LINGO2: variants seen among roughly 807,000 people sequenced by gnomAD.
The protein encoded by LINGO2 is leucine-rich repeat and immunoglobulin-like domain-containing nogo receptor-interacting protein 2.
LINGO2 carries 14 observed loss-of-function variants against 30.6 expected under a neutral mutation model. The observed-to-expected ratio is 0.46, with a 90% CI of 0.30 to 0.72. The LOEUF (loss-of-function observed/expected upper bound fraction) is 0.72, where lower values mean the gene tolerates loss of function less well. LINGO2 is among the 30% of genes least tolerant of loss of function. The pLI is 0.07. For synonymous variants in LINGO2, 317 were observed against 288.5 expected, an observed-to-expected ratio of 1.10 and a Z score of -1.00; for missense variants, 729 against 751.7, an observed-to-expected ratio of 0.97 and a Z score of 0.35.
intron 4 of LINGO2, among the ~76,000 whole-genome samples, chr9:28,242,933 C>T (rs769059949): frequency 5.3e-5 from 8 of 152,080 alleles, no homozygotes; most frequent in Non-Finnish European, 1.0e-4. Flanking sequence ...TGAGGGAATT[C>T]GTCATTACCA....
At chr9:29,138,364 T>C in the LINGO2 span, among the ~76,000 whole-genome samples, 2 of 152,122 alleles carry the variant, frequency 1.3e-5, no homozygotes, top group East Asian at 3.8e-4. Context: ...TTCCTGACCT[T>C]GCCTCTGACA....
At chr9:29,059,527 C>G in the LINGO2 span, among the ~76,000 whole-genome samples, 2 of 151,570 alleles carry the variant, frequency 1.3e-5, no homozygotes, top group Admixed American at 6.6e-5. Context: ...AGAGCAAAGA[C>G]AGACAAATAG....
At chr9:28,211,964 C>T (rs1345558245) in intron 4 of LINGO2, among the ~76,000 whole-genome samples, 1 of 150,972 alleles carries the variant, frequency 6.6e-6, no homozygotes, top group African/African-American at 2.4e-5. Context: ...GTGGCAAAAA[C>T]TGCAGTTACT....
At chr9:29,176,938 C>T in the LINGO2 span, among the ~76,000 whole-genome samples, 15 of 152,122 alleles carry the variant, frequency 9.9e-5, no homozygotes, top group African/African-American at 3.6e-4. Context: ...AAAGTTTAAG[C>T]AACACCGAAA....
the LINGO2 span, among the ~76,000 whole-genome samples, chr9:28,856,219 T>C: frequency 6.6e-6 from 1 of 152,010 alleles, no homozygotes; most frequent in South Asian, 2.1e-4. Context: ...CACAGAGATT[T>C]TGTGCTTTGC....
intron 4 of LINGO2, among the ~76,000 whole-genome samples, chr9:28,244,736 C>T (rs577472233): frequency 6.6e-6 from 1 of 152,008 alleles, no homozygotes; most frequent in Non-Finnish European, 1.5e-5. Context: ...CATACACCCT[C>T]CCAAAACTAA....
chr9:29,167,758 A>T, the LINGO2 span, among the ~76,000 whole-genome samples: 1 of 152,166 alleles, frequency 6.6e-6, no homozygotes, highest in Non-Finnish European at 1.5e-5. Context: ...TAAAAATGAA[A>T]ATCTTCCATG....
chr9:28,669,064 C>A (rs1828915871), intron 1 of LINGO2, among the ~76,000 whole-genome samples: 1 of 151,956 alleles, frequency 6.6e-6, no homozygotes, highest in Admixed American at 6.6e-5. Context: ...ACCCTAGTTA[C>A]CCCTTAAATA....
the LINGO2 span, among the ~76,000 whole-genome samples, chr9:29,055,078 G>C: frequency 6.6e-6 from 1 of 151,988 alleles, no homozygotes; most frequent in East Asian, 1.9e-4. Context: ...AATTAGACAG[G>C]CGTGGTGGCG....
At chr9:28,374,230 A>ATATATG (rs1241853208) in intron 2 of LINGO2, among the ~76,000 whole-genome samples, 1 of 148,878 alleles carries the variant, frequency 6.7e-6, no homozygotes, top group African/African-American at 2.5e-5. Context: ...ATATATATAT[A>ATATATG]TGTAATATCC....
the LINGO2 span, among the ~76,000 whole-genome samples, chr9:28,685,931 C>T: frequency 3.3e-5 from 5 of 150,640 alleles, 1 homozygote; most frequent in South Asian, 2.1e-4. Context: ...TATATGAAGA[C>T]GAGTAGTGTG....
Position 27,974,980 on chromosome 9 carries a change from A to G in LINGO2, c.-35-24274T>C, listed in dbSNP as rs2118822005. On this transcript the variant is annotated intron_variant, in intron 5 of 5. Coordinates refer to ENST00000379992, the Ensembl canonical transcript of LINGO2. ...AATCCTAACTTATCAAACCTGCCCC[A>G]GACATACTCCACATTGTTCATTCTG... 2.0e-5 allele frequency among the ~76,000 whole-genome samples: 3 copies of G among 152,286 alleles called. 1 individual carries two copies. In the Middle Eastern group the frequency reaches 0.01, roughly 518 times the overall value.
chr9:28,498,751 T>A (rs1181529654), intron 1 of LINGO2, among the ~76,000 whole-genome samples: 1 of 152,158 alleles, frequency 6.6e-6, no homozygotes, highest in Non-Finnish European at 1.5e-5. Context: ...GCGTCGCTCA[T>A]GCTGGGAGCT....
At chr9:28,117,254 G>T (rs957991793) in intron 4 of LINGO2, among the ~76,000 whole-genome samples, 1 of 151,724 alleles carries the variant, frequency 6.6e-6, no homozygotes, top group African/African-American at 2.4e-5. Context: ...CACTTGAGGA[G>T]GCAGTCTGCC....
chr9:28,247,552 G>C (rs774712873), intron 4 of LINGO2, among the ~76,000 whole-genome samples: 3 of 152,122 alleles, frequency 2.0e-5, no homozygotes, highest in Non-Finnish European at 2.9e-5. Context: ...TGAACAATGA[G>C]AACACATGGA....
the LINGO2 span, among the ~76,000 whole-genome samples, chr9:28,741,447 GA>G: frequency 2.0e-5 from 3 of 151,942 alleles, no homozygotes; most frequent in African/African-American, 7.3e-5. Context: ...CTGTCCTGAT[GA>G]AAAAATCTTC....
chr9:29,210,652 GA>G, the LINGO2 span, among the ~76,000 whole-genome samples: 2 of 152,054 alleles, frequency 1.3e-5, no homozygotes. Flanking sequence ...ATTCAGCAAT[GA>G]AAAACATCAA....
At chr9:28,312,184 G>T (rs904512223) in intron 3 of LINGO2, among the ~76,000 whole-genome samples, 5 of 106,346 alleles carry the variant, frequency 4.7e-5, no homozygotes, top group East Asian at 2.4e-4. Context: ...ACCAATAATT[G>T]TCTGGTCAAT....
chr9:28,459,004 A>G (rs909962951), intron 2 of LINGO2, among the ~76,000 whole-genome samples: 12 of 152,172 alleles, frequency 7.9e-5, no homozygotes, highest in Middle Eastern at 3.2e-3. Flanking sequence ...CTAAATTCCA[A>G]TGCAACATGA....
Sources: gnomAD v4.1 joint callset for allele counts (sites outside exome capture counted in the v4.1 genomes callset) on GRCh38, gnomAD v4.1.1 for gene constraint, MANE v1.5 for transcripts, NCBI Gene and HGNC (gene_info 2026-07-23, HGNC 2026-07-21) for gene names.